Variants in OSBPL6 observed in about 807,000 individuals in gnomAD.
OSBPL6 encodes oxysterol binding protein like 6, also known as oxysterol-binding protein-related protein 6.
OSBPL6 carries 49 observed loss-of-function variants against 125.8 expected under a neutral mutation model. The ratio of observed to expected loss-of-function variants is 0.39; its 90% CI spans 0.31 to 0.49. The LOEUF is 0.49. OSBPL6 is among the 20% of genes least tolerant of loss of function. OSBPL6 has a pLI of 0.88. For missense variants in OSBPL6, 986 were observed against 1,135.4 expected (o/e 0.87, Z 1.89); for synonymous variants, 394 against 391.8 (o/e 1.01, Z -0.07).
chr2:178,252,791 G>A lies in OSBPL6; in HGVS notation c.-350-32136G>A, dbSNP rs565854223. Among the ~76,000 whole-genome samples the A allele has an allele frequency of 1.3e-3, 204 of 152,140 alleles. 3 individuals carry two copies. The highest frequency in any genetic ancestry group is 4.7e-3 in the African/African-American group (195 of 41,492). ...GATGTCTGCTGTTCTTTCCTTCCTG[G>A]CTTGATGAAATAACTTCATGATACA... On this transcript the variant is annotated intron_variant, in intron 1 of 24. Coordinates refer to ENST00000190611, the MANE Select transcript of OSBPL6 (RefSeq NM_032523.4).
intron 1 of OSBPL6, among the ~76,000 whole-genome samples, chr2:178,223,882 C>CTTTT (rs2090442682): frequency 2.0e-5 from 3 of 152,180 alleles, no homozygotes; most frequent in African/African-American, 7.2e-5. Context: ...GCTGATTGCA[C>CTTTT]AGAGACTTTG....
At position 178,298,711 on chromosome 2, in the gene OSBPL6, T is replaced by G. The variant is rs548600070; in HGVS notation, c.-155-7319T>G. ...TTTTAGTTGCTTTTTTTTTTGTTTT[T>G]TTTTTTTTGCCGTACTGTTCTCCAC... On this transcript the variant is annotated intron_variant, in intron 2 of 24. Transcript: ENST00000190611. Among the ~76,000 whole-genome samples the G allele has an allele frequency of 2.6e-5, 4 of 151,658 alleles. No homozygotes were observed. The South Asian group carries it at 6.3e-4, about 24-fold the overall frequency.
At chr2:178,248,382 CT>C (rs1293605248) in intron 1 of OSBPL6, among the ~76,000 whole-genome samples, 1 of 152,110 alleles carries the variant, frequency 6.6e-6, no homozygotes, top group Non-Finnish European at 1.5e-5. Context: ...TATTTACAAA[CT>C]TAAAAGTTTG....
In OSBPL6 at chr2:178,321,010, G is replaced by A. The variant is rs1186525636; in HGVS notation, c.103-3167G>A. Among the ~76,000 whole-genome samples, 9 of 152,044 alleles carry A rather than the reference G, an allele frequency of 5.9e-5. No individual in the cohort carries two copies. In the East Asian group the frequency reaches 1.7e-3, roughly 29 times the overall value. On this transcript the variant is annotated intron_variant, in intron 3 of 24. Transcript: ENST00000190611. ...CCGTCTCTACTAAAAATACAACCGGGCGTGGTGGCACGCACCTGTAATCCC... is the reference window on the plus strand; with the variant it reads ...CCGTCTCTACTAAAAATACAACCGGACGTGGTGGCACGCACCTGTAATCCC...
intron 2 of OSBPL6, among the ~76,000 whole-genome samples, 192 bp downstream of exon 2, chr2:178,285,313 G>T (rs1274666966): frequency 6.6e-6 from 1 of 151,976 alleles, no homozygotes; most frequent in Non-Finnish European, 1.5e-5. Context: ...TTTAAGGATA[G>T]GAAGTAGAAA....
chr2:178,309,843 G>A (rs752636977), intron 3 of OSBPL6, among the ~76,000 whole-genome samples: 9 of 152,172 alleles, frequency 5.9e-5, no homozygotes, highest in Non-Finnish European at 8.8e-5. Flanking sequence ...GAAACACCTA[G>A]GACTTACCAA....
chr2:178,365,682 A>G (rs907062649), intron 13 of OSBPL6, among the ~76,000 whole-genome samples: 1 of 152,182 alleles, frequency 6.6e-6, no homozygotes, highest in Non-Finnish European at 1.5e-5. Flanking sequence ...TCTTAAAAAA[A>G]TAAAAATAAA....
At chr2:178,337,949 C>CTTTTTTTTTTTTTTTTTTTTTTT (rs755944128) in intron 9 of OSBPL6, among the ~76,000 whole-genome samples, 8 of 139,172 alleles carry the variant, frequency 5.7e-5, no homozygotes, top group East Asian at 2.1e-4. Context: ...TCAGTATTCT[C>CTTTTTTTTTTTTTTTTTTTTTTT]TTTTTTTTTT....
At chr2:178,325,871 A>G (rs1688656669) in intron 4 of OSBPL6, among the ~76,000 whole-genome samples, 1 of 152,182 alleles carries the variant, frequency 6.6e-6, no homozygotes, top group Admixed American at 6.5e-5. Flanking sequence ...GCTTGATATA[A>G]AGGAATCTGG....
intron 5 of OSBPL6, among the ~76,000 whole-genome samples, chr2:178,329,790 G>A (rs889744583): frequency 1.3e-5 from 2 of 152,118 alleles, no homozygotes; most frequent in Non-Finnish European, 2.9e-5. Flanking sequence ...TATATATTTG[G>A]CACATCTGCA....
intron 1 of OSBPL6, among the ~76,000 whole-genome samples, chr2:178,246,838 T>G (rs898890337): frequency 1.3e-5 from 2 of 152,238 alleles, no homozygotes; most frequent in Admixed American, 6.5e-5. Flanking sequence ...ATTCTATCAC[T>G]GTCCTGATTA....
At chr2:178,344,404 A>G (rs1256546997) in intron 11 of OSBPL6, 1 of 1,588,732 alleles carries the variant, frequency 6.3e-7, no homozygotes, top group East Asian at 2.2e-5. Flanking sequence ...TAAGAATGAG[A>G]ACCTGTGTAC....
chr2:178,381,326 A>G (rs1308183907), intron 15 of OSBPL6, among the ~76,000 whole-genome samples: 1 of 151,848 alleles, frequency 6.6e-6, no homozygotes, highest in East Asian at 1.9e-4. Flanking sequence ...GTCTCTCCCC[A>G]TTGTCACAGA....
intron 6 of OSBPL6, among the ~76,000 whole-genome samples, 179 bp downstream of exon 6, chr2:178,331,784 G>T (rs557462518): frequency 3.3e-5 from 5 of 152,240 alleles, no homozygotes; most frequent in African/African-American, 1.2e-4. Context: ...AGTGCATGAA[G>T]ATTTAACTAT....
rs1370719368 is a variant in OSBPL6, at chr2:178,396,572, T to G, written c.*1013T>G. The G allele has an allele frequency of 1.3e-5, 2 of 152,248 alleles. No individual in the cohort carries two copies. 9.4% of individuals were successfully genotyped at this position (152,248 alleles called of 1,614,324 possible). A position where few individuals can be genotyped will look rare whatever the true frequency, so the allele number is the denominator to read the frequency against. ...TGTTTTTGAGTGAAGCACCATGTAA[T>G]CCATGTCTCAATCCCATGCCCGCTC... On this transcript the variant is annotated 3_prime_UTR_variant, in exon 25 of 25. Transcript: ENST00000190611.
chr2:178,260,330 G>A (rs2092017874), intron 1 of OSBPL6, among the ~76,000 whole-genome samples: 1 of 151,710 alleles, frequency 6.6e-6, no homozygotes, highest in Admixed American at 6.6e-5. Flanking sequence ...TTTTTGGCTA[G>A]GAGAGCCCTT....
chr2:178,273,162 T>C (rs1460187963), intron 1 of OSBPL6, among the ~76,000 whole-genome samples: 1 of 152,232 alleles, frequency 6.6e-6, no homozygotes, highest in Non-Finnish European at 1.5e-5. Context: ...TTTCATTTGC[T>C]TGAAGATTTC....
chr2:178,212,206 T>A (rs2089893994), intron 1 of OSBPL6, among the ~76,000 whole-genome samples: 1 of 152,136 alleles, frequency 6.6e-6, no homozygotes, highest in Non-Finnish European at 1.5e-5. Flanking sequence ...ATACCCTGTG[T>A]CATGCTAATG....
At chr2:178,234,370 G>A (rs545070400) in intron 1 of OSBPL6, among the ~76,000 whole-genome samples, 29 of 152,160 alleles carry the variant, frequency 1.9e-4, no homozygotes, top group Admixed American at 1.1e-3. Flanking sequence ...ATTTCAGGCC[G>A]CAGTATAACC....
Sources: allele counts gnomAD v4.1 joint callset (sites outside exome capture counted in the v4.1 genomes callset), GRCh38; gene constraint gnomAD v4.1.1; transcripts MANE v1.5; gene names NCBI Gene and HGNC (gene_info 2026-07-23, HGNC 2026-07-21).